GPC5: variants seen among roughly 807,000 people sequenced by gnomAD.
GPC5 encodes glypican 5, also known as glypican-5.
In GPC5, 47 loss-of-function variants were observed where a neutral mutation model predicts 53.9. That is an observed-to-expected ratio of 0.87 (90% CI 0.69 to 1.11). The LOEUF is 1.11. GPC5 is among the 50% of genes most tolerant of loss of function. The pLI is 0.00. For synonymous variants in GPC5, 286 were observed against 263.3 expected, an observed-to-expected ratio of 1.09 and a Z score of -0.84; for missense variants, 748 against 713.1, an observed-to-expected ratio of 1.05 and a Z score of -0.56.
At chr13:92,680,161 G>A (rs182768314) in intron 7 of GPC5, among the ~76,000 whole-genome samples, 1 of 152,254 alleles carries the variant, frequency 6.6e-6, no homozygotes, top group East Asian at 1.9e-4. Flanking sequence ...GAATTGCCCT[G>A]GCAGAGCCAG....
At chr13:92,161,178 A>T (rs138281566) in intron 7 of GPC5, among the ~76,000 whole-genome samples, 1 of 152,316 alleles carries the variant, frequency 6.6e-6, no homozygotes, top group Non-Finnish European at 1.5e-5. Flanking sequence ...CATCAGAATG[A>T]CATCGGATTA....
intron 6 of GPC5, among the ~76,000 whole-genome samples, chr13:91,915,064 T>C (rs1417220267): frequency 1.3e-5 from 2 of 152,178 alleles, no homozygotes; most frequent in Non-Finnish European, 2.9e-5. Context: ...ACACTCTGAC[T>C]CCTTTCCCCA....
intron 5 of GPC5, among the ~76,000 whole-genome samples, chr13:91,876,924 G>C (rs1201838465): frequency 2.0e-5 from 3 of 152,188 alleles, no homozygotes; most frequent in African/African-American, 7.2e-5. Context: ...GCAGCCTAAG[G>C]ACTTGGTGCC....
intron 3 of GPC5, among the ~76,000 whole-genome samples, chr13:91,726,616 C>A (rs953407274): frequency 6.6e-6 from 1 of 152,148 alleles, no homozygotes; most frequent in South Asian, 2.1e-4. Context: ...CTGGCACCTA[C>A]CCTCTGAGGA....
intron 7 of GPC5, among the ~76,000 whole-genome samples, chr13:92,450,765 T>A (rs1181772832): frequency 1.3e-5 from 2 of 152,148 alleles, no homozygotes; most frequent in African/African-American, 4.8e-5. Flanking sequence ...TGGAAGAGAT[T>A]AATCCCTTGG....
intron 7 of GPC5, among the ~76,000 whole-genome samples, chr13:92,850,342 G>A (rs1278241442): frequency 6.6e-6 from 1 of 152,168 alleles, no homozygotes; most frequent in African/African-American, 2.4e-5. Flanking sequence ...ATTCACACCT[G>A]TAATCCAAGC....
intron 7 of GPC5, among the ~76,000 whole-genome samples, chr13:92,753,703 T>C (rs997436813): frequency 3.9e-5 from 6 of 152,066 alleles, no homozygotes; most frequent in African/African-American, 7.2e-5. Flanking sequence ...CAGGAGCCGA[T>C]GCGATCAACT....
intron 3 of GPC5, among the ~76,000 whole-genome samples, chr13:91,721,113 CTTTCTTTCTTTCTTT>C (rs2036460371): frequency 2.0e-5 from 2 of 101,212 alleles, no homozygotes; most frequent in African/African-American, 7.4e-5. Context: ...TTCTTTCTTT[CTTTCTTTCTTTCTTT>C]CTTTCTTTCT....
At chr13:92,470,957 C>A (rs1437760996) in intron 7 of GPC5, among the ~76,000 whole-genome samples, 2 of 152,046 alleles carry the variant, frequency 1.3e-5, no homozygotes, top group African/African-American at 4.8e-5. Flanking sequence ...TGGAGGGAGA[C>A]AGGTTTGGGA....
chr13:92,106,942 A>G (rs2138920753), intron 6 of GPC5, among the ~76,000 whole-genome samples: 1 of 152,206 alleles, frequency 6.6e-6, no homozygotes. Context: ...TTGAGACTAC[A>G]GTAATTCTTT....
intron 5 of GPC5, among the ~76,000 whole-genome samples, chr13:91,868,028 C>A (rs911134415): frequency 9.2e-5 from 14 of 151,988 alleles, no homozygotes; most frequent in Non-Finnish European, 2.9e-5. Flanking sequence ...TTTATAGATA[C>A]AGGAAAATGG....
rs575568272 is a variant in GPC5, at chr13:91,815,627, A to C, written c.1280+59207A>C. Among the ~76,000 whole-genome samples, 8 of 152,260 alleles carry C rather than the reference A, an allele frequency of 5.3e-5. 1 individual carries two copies. The East Asian group carries it at 1.5e-3, about 29-fold the overall frequency. On this transcript the variant is annotated intron_variant, in intron 5 of 7. Transcript: ENST00000377067. ...GCACGATGTGAGGTATCCTCCCTCCAGCTGCTGTCAATGACACCACCAGGC... is the reference window on the plus strand; with the variant it reads ...GCACGATGTGAGGTATCCTCCCTCCCGCTGCTGTCAATGACACCACCAGGC...
At chr13:91,428,321 G>A (rs1287303093) in intron 1 of GPC5, among the ~76,000 whole-genome samples, 1 of 152,138 alleles carries the variant, frequency 6.6e-6, no homozygotes, top group Admixed American at 6.5e-5. Context: ...CACAAAAGTG[G>A]GTTGCTGGCT....
chr13:91,601,475 G>A (rs942620289), intron 2 of GPC5, among the ~76,000 whole-genome samples: 3 of 152,140 alleles, frequency 2.0e-5, no homozygotes, highest in Non-Finnish European at 4.4e-5. Flanking sequence ...CTACCAGTCC[G>A]TGGCCTGTTA....
chr13:91,536,888 AAC>A (rs1234696318), intron 2 of GPC5, among the ~76,000 whole-genome samples: 1 of 152,244 alleles, frequency 6.6e-6, no homozygotes, highest in African/African-American at 2.4e-5. Context: ...AGACATCAAT[AAC>A]ACGGGACAGT....
intron 7 of GPC5, among the ~76,000 whole-genome samples, chr13:92,198,261 T>C (rs906034604): frequency 6.6e-6 from 1 of 152,230 alleles, no homozygotes; most frequent in Non-Finnish European, 1.5e-5. Flanking sequence ...GCTACCTTCA[T>C]GAGAACAGCA....
chr13:91,515,559 C>T (rs1885454255), intron 2 of GPC5, among the ~76,000 whole-genome samples: 1 of 152,132 alleles, frequency 6.6e-6, no homozygotes. Flanking sequence ...CCCCAAATCC[C>T]TGTAGTTTTA....
intron 7 of GPC5, among the ~76,000 whole-genome samples, chr13:92,165,510 G>A (rs1235721388): frequency 6.6e-6 from 1 of 152,142 alleles, no homozygotes; most frequent in Non-Finnish European, 1.5e-5. Context: ...CAGGGTGACA[G>A]GAGAGAGAAT....
chr13:91,945,008 G>A (rs1028224920), intron 6 of GPC5, among the ~76,000 whole-genome samples: 18 of 152,076 alleles, frequency 1.2e-4, no homozygotes, highest in African/African-American at 3.9e-4. Context: ...AATCTTTAAA[G>A]TCTTAGTCCC....
Sources: gnomAD v4.1 joint callset for allele counts (sites outside exome capture counted in the v4.1 genomes callset) on GRCh38, gnomAD v4.1.1 for gene constraint, MANE v1.5 for transcripts, NCBI Gene and HGNC (gene_info 2026-07-23, HGNC 2026-07-21) for gene names.